The following SF3A2 variants were observed in gnomAD, a reference collection of about 807,000 sequenced individuals.
SF3A2 encodes splicing factor 3a subunit 2, also known as SAP 62.
Under a neutral mutation model 31.1 loss-of-function variants are expected in SF3A2, and 5 were observed. That is an observed-to-expected ratio of 0.16 (90% CI 0.08 to 0.34). The LOEUF is 0.34. Ranked by LOEUF, SF3A2 falls within the 10% of genes least tolerant of loss-of-function variation. The pLI is 1.00. For missense variants in SF3A2, 577 were observed against 643.9 expected (o/e 0.90, Z 1.13); for synonymous variants, 365 against 263.7 (o/e 1.38, Z -3.72).
At chr19:2,241,053 A>G (rs3761021) in intron 1 of SF3A2, among the ~76,000 whole-genome samples, 9,143 of 152,264 alleles carry the variant, frequency 0.06, 564 homozygotes, top group African/African-American at 0.15. Context: ...GGTAGAGACC[A>G]GTGATGGCTC....
At position 2,246,310 on chromosome 19, in the gene SF3A2, G is replaced by A. The variant is rs2024932171; in HGVS notation, c.356-443G>A. Among the ~76,000 whole-genome samples the A allele has an allele frequency of 6.6e-6, 1 of 152,132 alleles. No individual in the cohort carries two copies. The highest frequency in any genetic ancestry group is 1.5e-5 in the Non-Finnish European group (1 of 68,006). On this transcript the variant is annotated intron_variant, in intron 5 of 8. Transcript: ENST00000221494. The surrounding 1 kb of genome is among the most constrained non-coding windows in gnomAD (Gnocchi z 5.5). ...TGGCCGGGCGGCAGGCAGCCCAGCA[G>A]CCATTCTCGGGGTCCAGGCTGCTGA...
rs1052182686 is a variant in SF3A2, at chr19:2,248,287, T to C, written c.1136T>C (p.Val379Ala). ...GGGGTTCACCCCCAGGCCCCGGGGG[T>C]GCACCCAGCAGCCCCCGCCGTTCAC... Reference protein sequence around the residue: ...SAGVHPQAPGVHPAAPAVHPQ... With the variant: ...SAGVHPQAPGAHPAAPAVHPQ... Residue 379 changes from valine to alanine, a missense_variant, in exon 9 of 9, where the codon GTG (valine) becomes GCG (alanine). Physicochemically the swap from Val to Ala is moderately conservative, Grantham distance 64 (BLOSUM62 0). This residue lies in a region of SF3A2 where 462 missense variants were observed against 339.1 expected (regional missense o/e 1.36). Coordinates refer to ENST00000221494, the MANE Select transcript of SF3A2 (RefSeq NM_007165.5). 2 of 1,256,940 alleles carry C rather than the reference T, an allele frequency of 1.6e-6. No individual in the cohort carries two copies. The highest frequency in any genetic ancestry group is 2.0e-6 in the Non-Finnish European group (2 of 1,000,340). The allele number at this position is 1,256,940 out of a possible 1,614,324, so 77.9% of individuals were successfully genotyped here.
At chr19:2,236,928 GC>G (rs1199209930) in intron 1 of SF3A2, 27 bp downstream of exon 1, 1 of 152,282 alleles carries the variant, frequency 6.6e-6, no homozygotes, top group African/African-American at 2.4e-5. Flanking sequence ...GTTGAGGGCG[GC>G]GGCCGACGCG....
Position 2,245,346 on chromosome 19 carries a change from T to G in SF3A2, c.246-100T>G, listed in dbSNP as rs1383274597. 6.0e-6 allele frequency: 5 copies of G among 828,288 alleles called. No homozygotes were observed. Among genetic ancestry groups the G allele is most frequent in the Admixed American group, 4.9e-5 (2 of 41,012 alleles). 51.3% of individuals were successfully genotyped at this position (828,288 alleles called of 1,614,324 possible). A position where few individuals can be genotyped will look rare whatever the true frequency, so the allele number is the denominator to read the frequency against. On this transcript the variant is annotated intron_variant, in intron 4 of 8. Transcript: ENST00000221494. This position sits in a 1 kb window ranked among gnomAD's most constrained non-coding sequence, Gnocchi z 4.2. ...CCCTGGCCCTCCTCATCTCTCAGCT[T>G]GTAGTGAGCTCCAAGGTCAGGGGGC... is the stretch of plus-strand genomic sequence containing the variant.
At chr19:2,242,012 C>T (rs1348077581) in intron 1 of SF3A2, among the ~76,000 whole-genome samples, 2 of 152,178 alleles carry the variant, frequency 1.3e-5, no homozygotes, top group African/African-American at 2.4e-5. Context: ...GGCTCCTGGG[C>T]CCCCATAGAG....
chr19:2,245,594 C>T lies in SF3A2; in HGVS notation c.355+39C>T, dbSNP rs374750230. ...CAGCGGGGCCGGCCACAGCCGCTGCCGTGACATAAGTGTGTTCTTTAGTCT... is the reference window on the plus strand; with the variant it reads ...CAGCGGGGCCGGCCACAGCCGCTGCTGTGACATAAGTGTGTTCTTTAGTCT... On this transcript the variant is annotated intron_variant, in intron 5 of 8. Coordinates refer to ENST00000221494, the MANE Select transcript of SF3A2 (RefSeq NM_007165.5). This position sits in a 1 kb window ranked among gnomAD's most constrained non-coding sequence, Gnocchi z 4.2. 2.8e-5 allele frequency: 39 copies of T among 1,402,258 alleles called. No homozygotes were observed. The highest frequency in any genetic ancestry group is 1.8e-4 in the Middle Eastern group (1 of 5,704). 86.9% of individuals were successfully genotyped at this position (1,402,258 alleles called of 1,614,324 possible).
In SF3A2 at chr19:2,246,059, C is replaced by T. The variant is rs1390654358; in HGVS notation, c.355+504C>T. On this transcript the variant is annotated intron_variant, in intron 5 of 8. Coordinates refer to ENST00000221494, the MANE Select transcript of SF3A2 (RefSeq NM_007165.5). The surrounding 1 kb of genome is among the most constrained non-coding windows in gnomAD (Gnocchi z 5.5). ...TCCATAGGGTTCAGGAAGGCGGGCA[C>T]GCTACCCAGCAAGTGTTCTTTACAG... Among the ~76,000 whole-genome samples, 2 of 152,190 alleles carry T rather than the reference C, an allele frequency of 1.3e-5. No homozygotes were observed. Among genetic ancestry groups the T allele is most frequent in the African/African-American group, 2.4e-5 (1 of 41,444 alleles).
At position 2,248,195 on chromosome 19, in the gene SF3A2, C is replaced by T. The variant is rs750979698; in HGVS notation, c.1044C>T (p.Pro348=). 70 of 1,439,850 alleles carry T rather than the reference C, an allele frequency of 4.9e-5. No homozygotes were observed. Among genetic ancestry groups the T allele is most frequent in the African/African-American group, 1.3e-4 (9 of 69,552 alleles). The allele number at this position is 1,439,850 out of a possible 1,614,324, so 89.2% of individuals were successfully genotyped here. ...CCCCCGGGGTTCACCCACCAGCCCCCGGAGTCCACCCACCAGCCCCTGGGG... is the reference window on the plus strand; with the variant it reads ...CCCCCGGGGTTCACCCACCAGCCCCTGGAGTCCACCCACCAGCCCCTGGGG... The part of the protein sequence containing the change: ...PPAPGVHPPA[P]GVHPPAPGVH... Residue 348 remains proline, a synonymous_variant, in exon 9 of 9, where the codon CCC becomes CCT. Transcript: ENST00000221494.
intron 3 of SF3A2, 53 bp from the exon 4 acceptor site, chr19:2,244,680 G>C (rs943207052): frequency 6.2e-7 from 1 of 1,611,854 alleles, no homozygotes; most frequent in Non-Finnish European, 8.5e-7. Context: ...AGGGGGACCT[G>C]CCTGTGTCTG....
In SF3A2 at chr19:2,248,642, A is replaced by C; in HGVS notation, c.*96A>C. ...CTTTTGTACTGCCCCCCGCTCATTA[A>C]ACAGCCTCCCCCAGCCCTGAGTGCA... On this transcript the variant is annotated 3_prime_UTR_variant, in exon 9 of 9. Transcript: ENST00000221494. 1 of 359,426 alleles carries C rather than the reference A, an allele frequency of 2.8e-6. No homozygotes were observed. Among genetic ancestry groups the C allele is most frequent in the Non-Finnish European group, 5.0e-6 (1 of 201,666 alleles). 22.3% of individuals were successfully genotyped at this position (359,426 alleles called of 1,614,324 possible). A position where few individuals can be genotyped will look rare whatever the true frequency, so the allele number is the denominator to read the frequency against.
In SF3A2 at chr19:2,247,340, GAC is replaced by G; in HGVS notation, c.547-252_547-251del. ...TTCCTACAGCCTGTCCCCATGCCTG[GAC>G]AGGGCGGCCATCAGGAAACAAATAA... is the stretch of plus-strand genomic sequence containing the variant. On this transcript the variant is annotated intron_variant, in intron 7 of 8. Coordinates refer to ENST00000221494, the MANE Select transcript of SF3A2 (RefSeq NM_007165.5). The G allele has an allele frequency of 7.0e-6, 4 of 574,640 alleles. No individual in the cohort carries two copies. The East Asian group carries it at 1.2e-4, about 17-fold the overall frequency. The allele number at this position is 574,640 out of a possible 1,614,324, so 35.6% of individuals were successfully genotyped here. A position where few individuals can be genotyped will look rare whatever the true frequency, so the allele number is the denominator to read the frequency against.
intron 1 of SF3A2, among the ~76,000 whole-genome samples, chr19:2,242,230 CTG>C (rs1484588934): frequency 1.3e-5 from 2 of 152,274 alleles, no homozygotes; most frequent in Admixed American, 1.3e-4. Context: ...CCTGCAGACA[CTG>C]TGACACATCA....
At position 2,248,032 on chromosome 19, in the gene SF3A2, T is replaced by A; in HGVS notation, c.881T>A (p.Val294Glu). ...GGGGTCCACCCCCCGGCCCCAGTGG[T>A]GCATCCCCCTGCATCTGGGGTCCAT... ...APGVHPPAPV[V>E]HPPASGVHPP... is the part of the protein sequence containing the mutation. The change falls in exon 9 of 9, where the codon GTG (valine) becomes GAG (glutamate). Residue 294 changes from valine to glutamate, a missense_variant. Physicochemically the swap from Val to Glu is moderately radical, Grantham distance 121. This residue lies in a region of SF3A2 where 462 missense variants were observed against 339.1 expected (regional missense o/e 1.36). Coordinates refer to ENST00000221494, the MANE Select transcript of SF3A2 (RefSeq NM_007165.5). The A allele has an allele frequency of 2.3e-6, 2 of 883,254 alleles. No homozygotes were observed. Among genetic ancestry groups the A allele is most frequent in the Non-Finnish European group, 1.7e-6 (1 of 576,504 alleles). 54.7% of individuals were successfully genotyped at this position (883,254 alleles called of 1,614,324 possible). A position where few individuals can be genotyped will look rare whatever the true frequency, so the allele number is the denominator to read the frequency against.
intron 1 of SF3A2, among the ~76,000 whole-genome samples, chr19:2,239,136 G>A (rs903269831): frequency 1.3e-5 from 2 of 152,172 alleles, no homozygotes; most frequent in African/African-American, 2.4e-5. Context: ...AGGCTGAGGC[G>A]GGCGGATGAC....
chr19:2,246,807 G>C lies in SF3A2; in HGVS notation c.405+5G>C, dbSNP rs761251865. 1 of 1,613,952 alleles carries C rather than the reference G, an allele frequency of 6.2e-7. No individual in the cohort carries two copies. The highest frequency in any genetic ancestry group is 1.7e-5 in the Admixed American group (1 of 60,014). ...CAGCAGAGCCTCCTCTTCCAGGTGA[G>C]ATCAGGGACTTGGGCGTGGGGGGCG... On this transcript the variant is annotated splice_donor_5th_base_variant and intron_variant, in intron 6 of 8. Transcript: ENST00000221494. The surrounding 1 kb of genome is among the most constrained non-coding windows in gnomAD (Gnocchi z 5.5).
chr19:2,242,099 G>A (rs549279240), intron 1 of SF3A2, among the ~76,000 whole-genome samples: 13 of 149,974 alleles, frequency 8.7e-5, no homozygotes, highest in African/African-American at 1.2e-4. Context: ...GCACACCTGC[G>A]GCCACTGTGG....
intron 3 of SF3A2, 27 bp from the exon 4 acceptor site, chr19:2,244,706 G>A: frequency 6.2e-7 from 1 of 1,613,934 alleles, no homozygotes; most frequent in African/African-American, 1.3e-5. Context: ...CCGGCCTCGA[G>A]TCATGCGTGT....
chr19:2,248,203 AC>A lies in SF3A2; in HGVS notation c.1055del (p.Pro352HisfsTer94). 2 of 1,260,696 alleles carry A rather than the reference AC, an allele frequency of 1.6e-6. No individual in the cohort carries two copies. The highest frequency in any genetic ancestry group is 2.1e-6 in the Non-Finnish European group (2 of 973,694). The allele number at this position is 1,260,696 out of a possible 1,614,324, so 78.1% of individuals were successfully genotyped here. On this transcript the variant is annotated frameshift_variant, in exon 9 of 9. Coordinates refer to ENST00000221494, the MANE Select transcript of SF3A2 (RefSeq NM_007165.5). LOFTEE classifies it low-confidence loss of function (END_TRUNC). Reference sequence around the variant, plus strand: ...GTTCACCCACCAGCCCCCGGAGTCCACCCACCAGCCCCTGGGGTTCACCCAC... The same window carrying A: ...GTTCACCCACCAGCCCCCGGAGTCCACCACCAGCCCCTGGGGTTCACCCAC... ...PGVHPPAPGV[H>X]PPAPGVHPPA... is the part of the protein sequence containing the mutation.
Position 2,248,109 on chromosome 19 carries a change from CCTGGGGTCCACCCACCAACCT to C in SF3A2, c.972_992del (p.Thr326_Pro332del), listed in dbSNP as rs778442263. On this transcript the variant is annotated inframe_deletion, in exon 9 of 9. Coordinates refer to ENST00000221494, the MANE Select transcript of SF3A2 (RefSeq NM_007165.5). ...AGCTCCTGGCGTCCATCCCCCAGCC[CCTGGGGTCCACCCACCAACCT>C]CTGGGGTCCACCCCCCAGCTCCTGG... 4 of 1,200,752 alleles carry C rather than the reference CCTGGGGTCCACCCACCAACCT, an allele frequency of 3.3e-6. No individual in the cohort carries two copies. Among genetic ancestry groups the C allele is most frequent in the African/African-American group, 1.5e-5 (1 of 66,256 alleles). The allele number at this position is 1,200,752 out of a possible 1,614,324, so 74.4% of individuals were successfully genotyped here. A position where few individuals can be genotyped will look rare whatever the true frequency, so the allele number is the denominator to read the frequency against.
Sources: allele counts gnomAD v4.1 joint callset (sites outside exome capture counted in the v4.1 genomes callset), GRCh38; gene constraint gnomAD v4.1.1; regional missense constraint gnomAD v4.1.1; non-coding constraint Gnocchi (gnomAD v3.1); transcripts MANE v1.5; gene names NCBI Gene and HGNC (gene_info 2026-07-23, HGNC 2026-07-21).